GNAI1: variants seen among roughly 807,000 people sequenced by gnomAD.
GNAI1 encodes the protein guanine nucleotide-binding protein G(i) subunit alpha-1.
GNAI1 carries 11 observed loss-of-function variants against 38.9 expected under a neutral mutation model. The observed-to-expected ratio is 0.28, with a 90% CI of 0.18 to 0.47. GNAI1 has a LOEUF of 0.47. Ranked by LOEUF, GNAI1 falls within the 20% of genes least tolerant of loss-of-function variation. GNAI1 has a pLI of 0.99. For synonymous variants in GNAI1, 166 were observed against 145.1 expected, an observed-to-expected ratio of 1.14 and a Z score of -1.04; for missense variants, 317 against 436.9, an observed-to-expected ratio of 0.73 and a Z score of 2.45.
chr7:80,210,861 C>A, intron 5 of GNAI1, 108 bp from the exon 6 acceptor site: 1 of 829,872 alleles, frequency 1.2e-6, no homozygotes, highest in Non-Finnish European at 1.8e-6. Context: ...CCTTCCTTTT[C>A]ATCAGACATT....
At chr7:80,175,051 T>C (rs1788158385) in intron 1 of GNAI1, among the ~76,000 whole-genome samples, 1 of 152,178 alleles carries the variant, frequency 6.6e-6, no homozygotes, top group Admixed American at 6.5e-5. Flanking sequence ...GGAAAGCAGT[T>C]GTATGAATGT....
chr7:80,179,144 A>G (rs1788247658), intron 1 of GNAI1, among the ~76,000 whole-genome samples: 1 of 152,210 alleles, frequency 6.6e-6, no homozygotes, highest in Non-Finnish European at 1.5e-5. Flanking sequence ...TTCCATTAAA[A>G]TAGTGTATTC....
intron 1 of GNAI1, among the ~76,000 whole-genome samples, chr7:80,181,689 C>A (rs764886674): frequency 1.3e-5 from 2 of 152,122 alleles, no homozygotes; most frequent in Non-Finnish European, 2.9e-5. Flanking sequence ...TTTTTTAAAA[C>A]CACATAAATG....
chr7:80,191,064 G>A (rs1788471165), intron 3 of GNAI1, among the ~76,000 whole-genome samples: 2 of 151,684 alleles, frequency 1.3e-5, no homozygotes, highest in Non-Finnish European at 2.9e-5. Flanking sequence ...TGTCTTTAGC[G>A]ATACTTCAGT....
chr7:80,210,038 G>T (rs1788846343), intron 5 of GNAI1, among the ~76,000 whole-genome samples: 1 of 152,032 alleles, frequency 6.6e-6, no homozygotes, highest in Admixed American at 6.6e-5. Context: ...AATTCTTTTT[G>T]CCTGGGAATT....
At position 80,167,464 on chromosome 7, in the gene GNAI1, A is replaced by T. The variant is rs28607672; in HGVS notation, c.119-21487A>T. On this transcript the variant is annotated intron_variant, in intron 1 of 7. Transcript: ENST00000649796. Reference sequence around the variant, plus strand: ...AGTAGCTCCCATCCTGCCAGACCCGATGCTCACTTTTGTAATATAATTTTA... The same window carrying T: ...AGTAGCTCCCATCCTGCCAGACCCGTTGCTCACTTTTGTAATATAATTTTA... 3.7e-4 allele frequency among the ~76,000 whole-genome samples: 56 copies of T among 152,282 alleles called. 1 individual carries two copies. The highest frequency in any genetic ancestry group is 1.2e-3 in the African/African-American group (48 of 41,538).
At chr7:80,156,681 A>G (rs1413784745) in intron 1 of GNAI1, among the ~76,000 whole-genome samples, 3 of 152,184 alleles carry the variant, frequency 2.0e-5, no homozygotes, top group Non-Finnish European at 2.9e-5. Context: ...TGACCCTCTT[A>G]TCGCAGCCTT....
chr7:80,174,139 T>A (rs2115574157), intron 1 of GNAI1, among the ~76,000 whole-genome samples: 1 of 152,312 alleles, frequency 6.6e-6, no homozygotes, highest in Admixed American at 6.5e-5. Flanking sequence ...AAATTAAAGA[T>A]GATTTTATTC....
intron 3 of GNAI1, among the ~76,000 whole-genome samples, chr7:80,198,093 T>C (rs1349968958): frequency 6.6e-6 from 1 of 151,870 alleles, no homozygotes; most frequent in Non-Finnish European, 1.5e-5. Flanking sequence ...GTTTTTTTTT[T>C]AATTGTGTTA....
intron 7 of GNAI1, among the ~76,000 whole-genome samples, chr7:80,216,937 C>T (rs1459484297): frequency 1.3e-5 from 2 of 151,996 alleles, no homozygotes; most frequent in South Asian, 4.1e-4. Flanking sequence ...ACCATTGGGC[C>T]AGAACTGAAA....
intron 7 of GNAI1, among the ~76,000 whole-genome samples, chr7:80,214,281 T>C (rs535350841): frequency 3.9e-5 from 6 of 152,292 alleles, no homozygotes; most frequent in Middle Eastern, 3.4e-3. Flanking sequence ...CAGCAACATT[T>C]TTTTGTGCTT....
intron 1 of GNAI1, among the ~76,000 whole-genome samples, chr7:80,188,521 G>A (rs2115630241): frequency 1.3e-5 from 2 of 152,238 alleles, no homozygotes; most frequent in South Asian, 4.1e-4. Context: ...AGAAACCGAT[G>A]AAGCTCATTT....
In GNAI1 at chr7:80,209,327, G is replaced by A. The variant is rs150762669; in HGVS notation, c.591-1642G>A. On this transcript the variant is annotated intron_variant, in intron 5 of 7. Coordinates refer to ENST00000649796, the MANE Select transcript of GNAI1 (RefSeq NM_002069.6). The stretch of plus-strand genomic sequence containing the variant: ...ATGAAGGCTAACAAGTCCGAAGTTT[G>A]TAGGGTAGGCTGGCAAGCTTGGACA... 2.7e-3 allele frequency among the ~76,000 whole-genome samples: 410 copies of A among 152,314 alleles called. 7 individuals are homozygous for A. The highest frequency in any genetic ancestry group is 9.5e-3 in the African/African-American group (395 of 41,572).
chr7:80,173,894 A>G (rs1270021611), intron 1 of GNAI1, among the ~76,000 whole-genome samples: 2 of 152,040 alleles, frequency 1.3e-5, no homozygotes, highest in Admixed American at 6.5e-5. Flanking sequence ...CACTGTCTGA[A>G]AATTAGAGGT....
chr7:80,148,531 TA>T (rs66761937), intron 1 of GNAI1, among the ~76,000 whole-genome samples: 56,799 of 150,594 alleles, frequency 0.38, 10,779 homozygotes, highest in Middle Eastern at 0.43. Context: ...ATTTTAAAAT[TA>T]AAAAAAAAAC....
intron 1 of GNAI1, among the ~76,000 whole-genome samples, chr7:80,171,713 A>G (rs556456442): frequency 2.6e-5 from 4 of 152,324 alleles, no homozygotes; most frequent in Admixed American, 2.0e-4. Context: ...TTGCTTCTGT[A>G]TAACTTCTGT....
chr7:80,201,420 G>C (rs1033588873), intron 4 of GNAI1, among the ~76,000 whole-genome samples: 18 of 152,138 alleles, frequency 1.2e-4, no homozygotes, highest in African/African-American at 4.1e-4. Flanking sequence ...TTGGACGTGA[G>C]TTAACAGAAA....
Position 80,225,890 on chromosome 7 carries a change from C to T in GNAI1, c.*8397C>T, listed in dbSNP as rs1789150387. 6.6e-6 allele frequency among the ~76,000 whole-genome samples: 1 copy of T among 152,112 alleles called. No homozygotes were observed. The highest frequency in any genetic ancestry group is 1.5e-5 in the Non-Finnish European group (1 of 68,028). ...CTTGTCCTTGGAATGTGTATGCACACACACACACATCTGTGAGAATGATTA... is the reference window on the plus strand; with the variant it reads ...CTTGTCCTTGGAATGTGTATGCACATACACACACATCTGTGAGAATGATTA... On this transcript the variant is annotated 3_prime_UTR_variant, in exon 8 of 8. Transcript: ENST00000649796.
In GNAI1 at chr7:80,222,233, AT is replaced by A. The variant is rs1789091779; in HGVS notation, c.*4741del. Among the ~76,000 whole-genome samples, 1 of 152,130 alleles carries A rather than the reference AT, an allele frequency of 6.6e-6. No homozygotes were observed. Among genetic ancestry groups the A allele is most frequent in the Non-Finnish European group, 1.5e-5 (1 of 68,022 alleles). On this transcript the variant is annotated 3_prime_UTR_variant, in exon 8 of 8. Coordinates refer to ENST00000649796, the MANE Select transcript of GNAI1 (RefSeq NM_002069.6). ...CAGAGCTGATTAGGCCTCAACTGGA[AT>A]AGTCCCACCATGTAATAAATCTTCC...
Sources: gnomAD v4.1 joint callset for allele counts (sites outside exome capture counted in the v4.1 genomes callset) on GRCh38, gnomAD v4.1.1 for gene constraint, MANE v1.5 for transcripts, NCBI Gene and HGNC (gene_info 2026-07-23, HGNC 2026-07-21) for gene names.